The following MYO5B variants were observed in gnomAD, a reference collection of about 807,000 sequenced individuals.
MYO5B encodes unconventional myosin-Vb.
Under a neutral mutation model 229.3 loss-of-function variants are expected in MYO5B, and 143 were observed. The observed-to-expected ratio is 0.62, with a 90% CI of 0.54 to 0.72. The LOEUF (loss-of-function observed/expected upper bound fraction) is 0.72, where lower values mean the gene tolerates loss of function less well. MYO5B is among the 30% of genes least tolerant of loss of function. The probability of loss-of-function intolerance (pLI) is 0.00; values close to 1 mark genes in which losing one functional copy is unlikely to be tolerated. For synonymous variants in MYO5B, 918 were observed against 885.2 expected (o/e 1.04, Z -0.66); for missense variants, 2,321 against 2,331.0 (o/e 1.00, Z 0.09).
chr18:49,992,358 T>A lies in MYO5B; in HGVS notation c.686A>T (p.Asp229Val), dbSNP rs756585940. ...GGCCCCGATGATGTGGTACCTTTTG[T>A]CAAAGCCAATCTGGATGTACTTGCC... is the stretch of plus-strand genomic sequence containing the variant. ...RFGKYIQIGF[D>V]KRYHIIGANM... The change falls in exon 6 of 40, where the codon GAC becomes GTC. Residue 229 changes from aspartate to valine, a missense_variant. This residue lies in a region of MYO5B where 2,113 missense variants were observed against 2,044.7 expected (regional missense o/e 1.03). Coordinates refer to ENST00000285039, the MANE Select transcript of MYO5B (RefSeq NM_001080467.3). The A allele has an allele frequency of 6.2e-7, 1 of 1,614,120 alleles. No individual in the cohort carries two copies. The highest frequency in any genetic ancestry group is 1.7e-5 in the Admixed American group (1 of 60,024).
chr18:50,173,333 G>A (rs2144336232), intron 1 of MYO5B, among the ~76,000 whole-genome samples: 1 of 152,160 alleles, frequency 6.6e-6, no homozygotes, highest in East Asian at 1.9e-4. Flanking sequence ...AAGGAAGACA[G>A]GGATGCTAAT....
At chr18:50,090,496 C>T (rs1358072178) in intron 1 of MYO5B, among the ~76,000 whole-genome samples, 1 of 152,104 alleles carries the variant, frequency 6.6e-6, no homozygotes, top group Non-Finnish European at 1.5e-5. Flanking sequence ...TGAGTTGTCA[C>T]CACACTCATC....
Position 49,880,434 on chromosome 18 carries a change from C to T in MYO5B, c.3067G>A (p.Glu1023Lys). Reference sequence around the variant, plus strand: ...TTCTCATCTTTCAAGAGAGCATTTTCTTGCTCCAGGTCTGCAACTCGCTGG... The same window carrying T: ...TTCTCATCTTTCAAGAGAGCATTTTTTTGCTCCAGGTCTGCAACTCGCTGG... ...LRKRVADLEQ[E>K]NALLKDEKEQ... The change falls in exon 23 of 40, where the codon GAA (glutamate) becomes AAA (lysine). Residue 1023 changes from glutamate (E) to lysine (K), a missense_variant. By Grantham distance (56) the Glu-to-Lys change is moderately conservative. Transcript: ENST00000285039. 2 of 1,614,114 alleles carry T rather than the reference C, an allele frequency of 1.2e-6. No homozygotes were observed. The highest frequency in any genetic ancestry group is 1.1e-5 in the South Asian group (1 of 91,080).
chr18:49,865,727 T>G (rs1004097927), intron 27 of MYO5B, among the ~76,000 whole-genome samples: 5 of 152,206 alleles, frequency 3.3e-5, no homozygotes, highest in Non-Finnish European at 7.4e-5. Context: ...TGACAGCTGT[T>G]GGCTGTGTGC....
intron 9 of MYO5B, among the ~76,000 whole-genome samples, chr18:49,979,126 C>T (rs141091473): frequency 2.0e-5 from 3 of 152,274 alleles, no homozygotes; most frequent in African/African-American, 7.2e-5. Flanking sequence ...CCCCCTGGGC[C>T]ACAGGTCCTC....
At chr18:50,081,247 A>G (rs894791438) in intron 1 of MYO5B, among the ~76,000 whole-genome samples, 2 of 152,162 alleles carry the variant, frequency 1.3e-5, no homozygotes, top group African/African-American at 4.8e-5. Flanking sequence ...TCCTAAAGTC[A>G]CCAGAGGATT....
intron 4 of MYO5B, among the ~76,000 whole-genome samples, chr18:50,028,501 G>A (rs1475640937): frequency 6.6e-6 from 1 of 152,094 alleles, no homozygotes; most frequent in Admixed American, 6.5e-5. Flanking sequence ...GGAGCCAGGA[G>A]GCTTGGGCCA....
Position 49,936,307 on chromosome 18 carries a change from T to C in MYO5B, c.1948A>G (p.Thr650Ala). ...LHLLMETLNA[T>A]TPHYVRCIKP... is the part of the protein sequence containing the mutation. ...ATGCAGCGGACATAGTGAGGTGTCG[T>C]GGCATTCAGGGTCTCCATGAGCAGA... is the stretch of plus-strand genomic sequence containing the variant. The change falls in exon 16 of 40, where the codon ACG becomes GCG. Residue 650 changes from threonine to alanine, a missense_variant. Coordinates refer to ENST00000285039, the MANE Select transcript of MYO5B (RefSeq NM_001080467.3). 6.2e-7 allele frequency: 1 copy of C among 1,604,042 alleles called. No homozygotes were observed. The highest frequency in any genetic ancestry group is 8.5e-7 in the Non-Finnish European group (1 of 1,174,724).
In MYO5B at chr18:50,195,074, G is replaced by A; in HGVS notation, c.-281C>T. ...GCACCACTCCCCTCCCAGGTGTGGG[G>A]AGGAGGCGAGGGCCGGCGAGGAGGG... On this transcript the variant is annotated 5_prime_UTR_variant, in exon 1 of 40. Coordinates refer to ENST00000285039, the MANE Select transcript of MYO5B (RefSeq NM_001080467.3). 1 of 306,976 alleles carries A rather than the reference G, an allele frequency of 3.3e-6. No individual in the cohort carries two copies. The highest frequency in any genetic ancestry group is 5.9e-6 in the Non-Finnish European group (1 of 168,950). The allele number at this position is 306,976 out of a possible 1,614,324, so 19.0% of individuals were successfully genotyped here.
intron 2 of MYO5B, among the ~76,000 whole-genome samples, chr18:50,050,195 A>T (rs17801897): frequency 0.17 from 26,008 of 152,202 alleles, 2,286 homozygotes; most frequent in South Asian, 0.23. Flanking sequence ...TAAAATGGCC[A>T]GCTAAAAGAA....
At chr18:50,184,130 GC>G (rs2033114330) in intron 1 of MYO5B, among the ~76,000 whole-genome samples, 1 of 152,176 alleles carries the variant, frequency 6.6e-6, no homozygotes, top group African/African-American at 2.4e-5. Flanking sequence ...GTTACACTTT[GC>G]CTTTTTGAAG....
At chr18:50,106,840 C>A (rs531023732) in intron 1 of MYO5B, among the ~76,000 whole-genome samples, 1 of 152,154 alleles carries the variant, frequency 6.6e-6, no homozygotes, top group Non-Finnish European at 1.5e-5. Context: ...CAAGGCTTGC[C>A]GATAGATAAT....
At chr18:49,959,438 C>T (rs74756331) in intron 12 of MYO5B, among the ~76,000 whole-genome samples, 216 of 152,326 alleles carry the variant, frequency 1.4e-3, no homozygotes, top group African/African-American at 3.7e-3. Flanking sequence ...TCTTAAGAAA[C>T]CACAATCCCC....
At chr18:50,133,502 ACTG>A (rs1178196865) in intron 1 of MYO5B, among the ~76,000 whole-genome samples, 1 of 152,332 alleles carries the variant, frequency 6.6e-6, no homozygotes, top group South Asian at 2.1e-4. Context: ...TGCAGACACA[ACTG>A]CTGAAGCTGC....
At chr18:50,144,579 C>T (rs955202338) in intron 1 of MYO5B, among the ~76,000 whole-genome samples, 2 of 152,176 alleles carry the variant, frequency 1.3e-5, no homozygotes, top group African/African-American at 4.8e-5. Flanking sequence ...TACATATACA[C>T]AGAACAGTAG....
At chr18:50,147,311 G>A (rs924307606) in intron 1 of MYO5B, among the ~76,000 whole-genome samples, 11 of 152,096 alleles carry the variant, frequency 7.2e-5, no homozygotes, top group Non-Finnish European at 1.5e-4. Context: ...TGAGTCTGAA[G>A]GTCTTTCTGG....
chr18:50,040,135 C>G lies in MYO5B; in HGVS notation c.310+8G>C. The G allele has an allele frequency of 6.2e-7, 1 of 1,613,788 alleles. No individual in the cohort carries two copies. The highest frequency in any genetic ancestry group is 8.5e-7 in the Non-Finnish European group (1 of 1,179,714). ...AACGCATGCAGCCAACAGATGCCCC[C>G]CACTTACCACAGTAAGTGTAGATAT... On this transcript the variant is annotated splice_region_variant and intron_variant, in intron 3 of 39. Transcript: ENST00000285039.
chr18:49,831,061 T>C (rs1244275686), intron 39 of MYO5B, among the ~76,000 whole-genome samples: 2 of 152,014 alleles, frequency 1.3e-5, no homozygotes, highest in African/African-American at 4.8e-5. Flanking sequence ...GCAGTGTCTT[T>C]GACAAATGGT....
chr18:50,082,558 A>G (rs559714380), intron 1 of MYO5B, among the ~76,000 whole-genome samples: 3 of 152,210 alleles, frequency 2.0e-5, no homozygotes, highest in African/African-American at 7.2e-5. Flanking sequence ...AAAATATACC[A>G]ATGTCATCAA....
Sources: gnomAD v4.1 joint callset for allele counts (sites outside exome capture counted in the v4.1 genomes callset) on GRCh38, gnomAD v4.1.1 for gene constraint, gnomAD v4.1.1 regional missense constraint, MANE v1.5 for transcripts, NCBI Gene and HGNC (gene_info 2026-07-23, HGNC 2026-07-21) for gene names.